The following SDK2 variants were observed in gnomAD, a reference collection of about 807,000 sequenced individuals.
SDK2 encodes protein sidekick-2.
In SDK2, 105 loss-of-function variants were observed where a neutral mutation model predicts 253.9. The observed-to-expected ratio is 0.41, with a 90% CI of 0.35 to 0.49. The LOEUF is 0.49. Among genes scored for constraint, SDK2 ranks in the 20% least tolerant of loss-of-function variants. The pLI, the probability that SDK2 is intolerant of heterozygous loss-of-function variation, is 0.06. For missense variants in SDK2, 2,608 were observed against 3,003.0 expected, an observed-to-expected ratio of 0.87 and a Z score of 3.07; for synonymous variants, 1,249 against 1,234.9, an observed-to-expected ratio of 1.01 and a Z score of -0.24.
At chr17:73,354,369 C>T (rs373061024) in intron 40 of SDK2, among the ~76,000 whole-genome samples, 2 of 152,186 alleles carry the variant, frequency 1.3e-5, no homozygotes, top group East Asian at 3.9e-4. Context: ...GCTGTTCAGT[C>T]AGAGCGGTGC....
At chr17:73,414,827 G>C in intron 17 of SDK2, 68 bp from the exon 18 acceptor site, 1 of 1,001,432 alleles carries the variant, frequency 1.0e-6, no homozygotes, top group South Asian at 1.3e-5. Context: ...CAGTTCAGTA[G>C]AGAAAACGCA....
At chr17:73,412,022 A>ATATATATATC (rs2063134679) in intron 18 of SDK2, among the ~76,000 whole-genome samples, 2 of 49,264 alleles carry the variant, frequency 4.1e-5, no homozygotes, top group South Asian at 1.0e-3. Flanking sequence ...AGATATACGT[A>ATATATATATC]TATGTATATA....
intron 3 of SDK2, among the ~76,000 whole-genome samples, chr17:73,457,276 TTC>T (rs2063534065): frequency 2.8e-5 from 1 of 35,830 alleles, no homozygotes; most frequent in Admixed American, 3.4e-4. Flanking sequence ...CCTTCCTTCC[TTC>T]CTTCCTTCCC....
chr17:73,607,115 C>T (rs1271605192), intron 1 of SDK2, among the ~76,000 whole-genome samples: 1 of 152,164 alleles, frequency 6.6e-6, no homozygotes. Context: ...GAAATGTGTC[C>T]TCAAGAAGAG....
At chr17:73,413,837 G>A (rs2063158424) in intron 18 of SDK2, among the ~76,000 whole-genome samples, 1 of 152,120 alleles carries the variant, frequency 6.6e-6, no homozygotes, top group South Asian at 2.1e-4. Flanking sequence ...TGCGCAGGTT[G>A]CCAGCAAGAG....
intron 12 of SDK2, 80 bp from the exon 13 acceptor site, chr17:73,424,172 G>A (rs2063260238): frequency 1.6e-6 from 2 of 1,228,316 alleles, no homozygotes; most frequent in Non-Finnish European, 2.3e-6. Context: ...CTTGTCCCGA[G>A]AAAATAGCTC....
At chr17:73,375,815 C>T (rs975573507) in intron 36 of SDK2, among the ~76,000 whole-genome samples, 6 of 150,740 alleles carry the variant, frequency 4.0e-5, no homozygotes, top group African/African-American at 1.5e-4. Context: ...AAGATCGCAC[C>T]ACTGCACTTC....
Position 73,379,395 on chromosome 17 carries a change from TG to T in SDK2, c.4864+52del. ...CAGATCCCGTTTCTTCCAGCTGAAC[TG>T]GGTGGGGCTGGGAAAGGCATGCTGG... On this transcript the variant is annotated intron_variant, in intron 35 of 44. Coordinates refer to ENST00000392650, the MANE Select transcript of SDK2 (RefSeq NM_001144952.2). The surrounding 1 kb of genome is among the most constrained non-coding windows in gnomAD (Gnocchi z 4.5). 1 of 1,528,070 alleles carries T rather than the reference TG, an allele frequency of 6.5e-7. No homozygotes were observed. The allele number at this position is 1,528,070 out of a possible 1,614,324, so 94.7% of individuals were successfully genotyped here.
rs1169549853 is a variant in SDK2, at chr17:73,415,880, C to T, written c.2299G>A (p.Val767Met). 2 of 1,587,858 alleles carry T rather than the reference C, an allele frequency of 1.3e-6. No homozygotes were observed. Among genetic ancestry groups the T allele is most frequent in the Non-Finnish European group, 8.6e-7 (1 of 1,167,342 alleles). Residue 767 changes from valine (V) to methionine (M), a missense_variant, in exon 17 of 45, where the codon GTG (valine) becomes ATG (methionine). This residue lies in a region of SDK2 where 1,505 missense variants were observed against 1,859.1 expected (regional missense o/e 0.81). Transcript: ENST00000392650. ...AGCCCAGCGCTGTTGTAAGCAGCCA[C>T]CTCGATCTCGTAGTTGGTCCAAATG... is the stretch of plus-strand genomic sequence containing the variant. ...LIIWTNYEIE[V>M]AAYNSAGLGV...
At chr17:73,630,323 TC>T (rs2046252560) in intron 1 of SDK2, among the ~76,000 whole-genome samples, 1 of 152,100 alleles carries the variant, frequency 6.6e-6, no homozygotes, top group South Asian at 2.1e-4. Context: ...TTCTAACAGG[TC>T]CCCAAATGGT....
chr17:73,583,705 C>CCCACTCCTCATTCTGTCTGGGG lies in SDK2; in HGVS notation c.64+60319_64+60320insCCCCAGACAGAATGAGGAGTGG, dbSNP rs60250608. ...GAGGGAAGATGCAGGGCCAAGAGTGCTTCAGGCTCAGGGTGAGCACACGGG... is the reference window on the plus strand; with the variant it reads ...GAGGGAAGATGCAGGGCCAAGAGTGCCCACTCCTCATTCTGTCTGGGGTTCAGGCTCAGGGTGAGCACACGGG... On this transcript the variant is annotated intron_variant, in intron 1 of 44. Coordinates refer to ENST00000392650, the MANE Select transcript of SDK2 (RefSeq NM_001144952.2). Among the ~76,000 whole-genome samples, 18 of 152,218 alleles carry CCCACTCCTCATTCTGTCTGGGG rather than the reference C, an allele frequency of 1.2e-4. No homozygotes were observed. In the South Asian group the frequency reaches 2.7e-3, roughly 23 times the overall value.
intron 32 of SDK2, among the ~76,000 whole-genome samples, chr17:73,384,774 C>T (rs2145481549): frequency 1.3e-5 from 2 of 152,298 alleles, no homozygotes; most frequent in South Asian, 4.1e-4. Context: ...CAAGATTGAA[C>T]CACTGTACTC....
intron 1 of SDK2, among the ~76,000 whole-genome samples, chr17:73,626,150 A>G (rs570134220): frequency 1.3e-5 from 2 of 152,342 alleles, no homozygotes; most frequent in African/African-American, 2.4e-5. Flanking sequence ...AAACAAAAGA[A>G]AACTTCAGGA....
intron 1 of SDK2, among the ~76,000 whole-genome samples, chr17:73,514,523 G>A (rs1314369931): frequency 6.6e-6 from 1 of 152,124 alleles, no homozygotes; most frequent in Non-Finnish European, 1.5e-5. Context: ...CCTGGGAACC[G>A]CACCTCCTGT....
At chr17:73,459,155 C>G (rs963638058) in intron 3 of SDK2, among the ~76,000 whole-genome samples, 7 of 152,180 alleles carry the variant, frequency 4.6e-5, no homozygotes, top group African/African-American at 1.4e-4. Context: ...TGGGACATTA[C>G]TGTCATTTAC....
chr17:73,498,775 A>G (rs2145741938), intron 2 of SDK2, among the ~76,000 whole-genome samples: 1 of 152,312 alleles, frequency 6.6e-6, no homozygotes, highest in Non-Finnish European at 1.5e-5. Flanking sequence ...GTGTTTGTTA[A>G]TAAGAGTTAA....
intron 5 of SDK2, among the ~76,000 whole-genome samples, chr17:73,446,790 C>T (rs551975178): frequency 4.1e-4 from 63 of 152,276 alleles, no homozygotes; most frequent in Non-Finnish European, 8.1e-4. Context: ...AAGCTCTGGC[C>T]TCGCCCCACA....
chr17:73,551,701 C>T lies in SDK2; in HGVS notation c.65-44104G>A, dbSNP rs143519696. On this transcript the variant is annotated intron_variant, in intron 1 of 44. Coordinates refer to ENST00000392650, the MANE Select transcript of SDK2 (RefSeq NM_001144952.2). Reference sequence around the variant, plus strand: ...GCTATGGACGCTGTGGATGCCATAGCGAGCAAGACAGGCCTGGTCCCTGCC... The same window carrying T: ...GCTATGGACGCTGTGGATGCCATAGTGAGCAAGACAGGCCTGGTCCCTGCC... Among the ~76,000 whole-genome samples, 415 of 152,280 alleles carry T rather than the reference C, an allele frequency of 2.7e-3. 7 individuals carry two copies. In the East Asian group the frequency reaches 0.05, roughly 19 times the overall value.
Position 73,338,680 on chromosome 17 carries a change from G to C in SDK2, c.6426C>G (p.Asn2142Lys), listed in dbSNP as rs1305266997. 7 of 1,597,388 alleles carry C rather than the reference G, an allele frequency of 4.4e-6. No individual in the cohort carries two copies. The South Asian group carries it at 7.9e-5, about 18-fold the overall frequency. The change falls in exon 45 of 45, where the codon AAC becomes AAG. Residue 2142 changes from asparagine (N) to lysine (K), a missense_variant. Around this residue, in one of 2 missense-constraint regions of SDK2, gnomAD observed 1,103 missense variants for 1,143.9 expected, o/e 0.96. Transcript: ENST00000392650. The surrounding 1 kb of genome is among the most constrained non-coding windows in gnomAD (Gnocchi z 5.0). Reference protein sequence around the residue: ...SRTPTPQNPPNPPSQQSTLYR... With the variant: ...SRTPTPQNPPKPPSQQSTLYR... ...AGAGGGTGCTCTGCTGACTTGGGGG[G>C]TTAGGGGGGTTCTGGGGCGTTGGAG... is the stretch of plus-strand genomic sequence containing the variant.
Sources: gnomAD v4.1 joint callset for allele counts (sites outside exome capture counted in the v4.1 genomes callset) on GRCh38, gnomAD v4.1.1 for gene constraint, gnomAD v4.1.1 regional missense constraint, Gnocchi (gnomAD v3.1) non-coding constraint, MANE v1.5 for transcripts, NCBI Gene and HGNC (gene_info 2026-07-23, HGNC 2026-07-21) for gene names.